PRRC2B: variants seen among roughly 807,000 people sequenced by gnomAD.
PRRC2B encodes protein PRRC2B.
A neutral mutation model predicts 242.3 loss-of-function variants in PRRC2B; 68 were observed. That is an observed-to-expected ratio of 0.28 (90% CI 0.23 to 0.34). PRRC2B has a LOEUF of 0.34. Among genes scored for constraint, PRRC2B ranks in the 10% least tolerant of loss-of-function variants. The pLI, the probability that PRRC2B is intolerant of heterozygous loss-of-function variation, is 1.00. For synonymous variants in PRRC2B, 1,228 were observed against 1,173.6 expected (o/e 1.05, Z -0.95); for missense variants, 2,835 against 2,954.8 (o/e 0.96, Z 0.94).
intron 4 of PRRC2B, among the ~76,000 whole-genome samples, chr9:131,437,660 G>C (rs1838418425): frequency 6.6e-6 from 1 of 152,218 alleles, no homozygotes; most frequent in Non-Finnish European, 1.5e-5. Context: ...GGAAGTCTGT[G>C]GCTTTGCCAG....
chr9:131,471,051 C>A, intron 14 of PRRC2B, 68 bp downstream of exon 14: 1 of 1,184,380 alleles, frequency 8.4e-7, no homozygotes, highest in Non-Finnish European at 1.2e-6. Context: ...AGGGTGTCCT[C>A]TCGAGTTAAA....
At chr9:131,483,984 ACGAG>A (rs1247285891) in intron 23 of PRRC2B, among the ~76,000 whole-genome samples, 18 of 152,322 alleles carry the variant, frequency 1.2e-4, no homozygotes, top group Admixed American at 1.2e-3. Context: ...TGCTGAATGA[ACGAG>A]TATCATTTGG....
intron 1 of PRRC2B, among the ~76,000 whole-genome samples, chr9:131,426,237 C>CT (rs1837971126): frequency 6.7e-6 from 1 of 148,586 alleles, no homozygotes; most frequent in Non-Finnish European, 1.5e-5. Flanking sequence ...ACTCAGGAGG[C>CT]TGACACAGGA....
At chr9:131,418,687 C>T (rs1318900747) in intron 1 of PRRC2B, among the ~76,000 whole-genome samples, 4 of 152,256 alleles carry the variant, frequency 2.6e-5, no homozygotes, top group Admixed American at 1.3e-4. Context: ...ACAGCTGCAG[C>T]TGGCTGGGAC....
At chr9:131,455,026 C>A (rs980579659) in intron 9 of PRRC2B, 50 bp from the exon 10 acceptor site, 4 of 1,474,214 alleles carry the variant, frequency 2.7e-6, no homozygotes, top group Non-Finnish European at 3.8e-6. Flanking sequence ...CCGGCCACCA[C>A]TGACTTTTTC....
At chr9:131,421,822 T>C (rs2966349) in intron 1 of PRRC2B, among the ~76,000 whole-genome samples, 143,014 of 152,288 alleles carry the variant, frequency 0.94, 67,559 homozygotes, top group East Asian at 1. Flanking sequence ...TCATCATCTG[T>C]ACAGTTGGCC....
chr9:131,430,505 ATATCTATAGATAGATAGATAGATATC>A (rs1373531458), intron 2 of PRRC2B, among the ~76,000 whole-genome samples: 5 of 53,574 alleles, frequency 9.3e-5, no homozygotes, highest in African/African-American at 1.5e-4. Flanking sequence ...ATATCTATAG[ATATCTATAGATAGATAGATAGATATC>A]TATCTATAGA....
At chr9:131,379,360 C>T (rs926901122) in intron 1 of PRRC2B, among the ~76,000 whole-genome samples, 8 of 152,150 alleles carry the variant, frequency 5.3e-5, no homozygotes, top group African/African-American at 1.7e-4. Flanking sequence ...CTCTGAGAAA[C>T]CACTAAACTC....
At chr9:131,400,365 C>T (rs764695608) in intron 1 of PRRC2B, among the ~76,000 whole-genome samples, 3 of 151,604 alleles carry the variant, frequency 2.0e-5, no homozygotes, top group Non-Finnish European at 2.9e-5. Flanking sequence ...GTTGCGCAGG[C>T]TGGAGTGCAG....
At chr9:131,418,504 A>G (rs569684461) in intron 1 of PRRC2B, among the ~76,000 whole-genome samples, 42 of 152,268 alleles carry the variant, frequency 2.8e-4, no homozygotes, top group African/African-American at 9.9e-4. Context: ...GGGTTTAGGA[A>G]GGTGGGGAGG....
At chr9:131,459,868 G>A (rs1271776590) in intron 11 of PRRC2B, among the ~76,000 whole-genome samples, 1 of 149,940 alleles carries the variant, frequency 6.7e-6, no homozygotes, top group African/African-American at 2.5e-5. Flanking sequence ...AATTAAAACA[G>A]CCAGGCATGG....
At position 131,486,190 on chromosome 9, in the gene PRRC2B, C is replaced by G; in HGVS notation, c.5856+8C>G. 1 of 1,594,352 alleles carries G rather than the reference C, an allele frequency of 6.3e-7. No homozygotes were observed. The highest frequency in any genetic ancestry group is 1.3e-5 in the African/African-American group (1 of 74,648). On this transcript the variant is annotated splice_region_variant and intron_variant, in intron 26 of 31. Transcript: ENST00000683519. ...CAGCAGAGTTACCAACAGGTGACAG[C>G]AGCTAGCCAGGTGGCCTGGCTGGGG...
intron 15 of PRRC2B, among the ~76,000 whole-genome samples, chr9:131,474,223 C>T (rs973881563): frequency 8.5e-5 from 13 of 152,150 alleles, no homozygotes; most frequent in African/African-American, 2.7e-4. Flanking sequence ...CAGGGGCCAC[C>T]GACCAATTCA....
intron 26 of PRRC2B, 151 bp downstream of exon 26, chr9:131,486,333 A>C (rs1247793286): frequency 2.5e-6 from 1 of 395,732 alleles, no homozygotes; most frequent in African/African-American, 2.2e-5. Flanking sequence ...CACGGCAGCC[A>C]GGAGGCATTT....
At chr9:131,423,627 G>T (rs1461717219) in intron 1 of PRRC2B, among the ~76,000 whole-genome samples, 1 of 152,216 alleles carries the variant, frequency 6.6e-6, no homozygotes, top group Non-Finnish European at 1.5e-5. Flanking sequence ...CGTAAAGCAG[G>T]TGTGTATACA....
chr9:131,461,838 A>C (rs1164557860), intron 11 of PRRC2B, among the ~76,000 whole-genome samples: 1 of 152,188 alleles, frequency 6.6e-6, no homozygotes, highest in Non-Finnish European at 1.5e-5. Context: ...GCTCTTTGCT[A>C]TTGAAAGGGC....
chr9:131,497,738 C>G lies in PRRC2B; in HGVS notation c.*1864C>G, dbSNP rs892636734. On this transcript the variant is annotated 3_prime_UTR_variant, in exon 32 of 32. Transcript: ENST00000683519. Reference sequence around the variant, plus strand: ...TGTTCACCTGCATCTTTCAGCAGCTCCCCTCCTGCCCTCACCTGGTCTTTT... The same window carrying G: ...TGTTCACCTGCATCTTTCAGCAGCTGCCCTCCTGCCCTCACCTGGTCTTTT... 12 of 152,314 alleles carry G rather than the reference C, an allele frequency of 7.9e-5. No individual in the cohort carries two copies. Among genetic ancestry groups the G allele is most frequent in the African/African-American group, 2.9e-4 (12 of 41,454 alleles). The allele number at this position is 152,314 out of a possible 1,614,324, so 9.4% of individuals were successfully genotyped here.
Position 131,476,201 on chromosome 9 carries a change from T to C in PRRC2B, c.4072T>C (p.Ser1358Pro). 6.2e-7 allele frequency: 1 copy of C among 1,613,416 alleles called. No individual in the cohort carries two copies. Among genetic ancestry groups the C allele is most frequent in the African/African-American group, 1.3e-5 (1 of 75,010 alleles). The change falls in exon 16 of 32, where the codon TCC becomes CCC. Residue 1358 changes from serine (S) to proline (P), a missense_variant. Coordinates refer to ENST00000683519, the MANE Select transcript of PRRC2B (RefSeq NM_013318.4). ...CAAGAGTGGCACTGTGGGCCGCAGG[T>C]CCCCTGAGCTCTCCTACCAGAACTC... ...GDKSGTVGRR[S>P]PELSYQNSSD...
Position 131,459,970 on chromosome 9 carries a change from C to CAA in PRRC2B, c.1404+635_1404+636dup, listed in dbSNP as rs34696844. On this transcript the variant is annotated intron_variant, in intron 11 of 31. Coordinates refer to ENST00000683519, the MANE Select transcript of PRRC2B (RefSeq NM_013318.4). Reference sequence around the variant, plus strand: ...GGCCAACACAGTGAAACCCTATCTCCAAAAAAAAAAAAAAAAAAAAAAGCC... The same window carrying CAA: ...GGCCAACACAGTGAAACCCTATCTCCAAAAAAAAAAAAAAAAAAAAAAAAGCC... Among the ~76,000 whole-genome samples, 764 of 87,018 alleles carry CAA rather than the reference C, an allele frequency of 8.8e-3. 4 individuals are homozygous for CAA. Among genetic ancestry groups the CAA allele is most frequent in the Non-Finnish European group, 0.013 (565 of 44,526 alleles). 57.1% of individuals were successfully genotyped at this position (87,018 alleles called of 152,430 possible). A position where few individuals can be genotyped will look rare whatever the true frequency, so the allele number is the denominator to read the frequency against.
Sources: gnomAD v4.1 joint callset for allele counts (sites outside exome capture counted in the v4.1 genomes callset) on GRCh38, gnomAD v4.1.1 for gene constraint, MANE v1.5 for transcripts, NCBI Gene and HGNC (gene_info 2026-07-23, HGNC 2026-07-21) for gene names.